HASPIN: variants seen among roughly 807,000 people sequenced by gnomAD.
HASPIN encodes histone H3 associated protein kinase, also known as serine/threonine-protein kinase haspin.
In HASPIN, 24 loss-of-function variants were observed where a neutral mutation model predicts 28.8. The observed-to-expected ratio is 0.83, with a 90% CI of 0.60 to 1.17. The LOEUF (loss-of-function observed/expected upper bound fraction) is 1.17. Ranked by LOEUF, HASPIN falls within the 50% of genes most tolerant of loss-of-function variation. The probability of loss-of-function intolerance (pLI) is 0.00; values close to 1 mark genes in which losing one functional copy is unlikely to be tolerated. For missense variants in HASPIN, 1,016 were observed against 1,018.5 expected, an observed-to-expected ratio of 1.00 and a Z score of 0.03; for synonymous variants, 440 against 413.1, an observed-to-expected ratio of 1.07 and a Z score of -0.79.
At position 3,724,112 on chromosome 17, in the gene HASPIN, G is replaced by GTCCGACGATCCTGACGAT. The variant is rs2051141938; in HGVS notation, c.178_195dup (p.Ser60_Asp65dup). On this transcript the variant is annotated inframe_insertion, in exon 1 of 1. Transcript: ENST00000325418. ...ACGCCAGCATCGGCGACCCCTCGCA[G>GTCCGACGATCCTGACGAT]TCCGACGATCCTGACGATCCCGACG... The GTCCGACGATCCTGACGAT allele has an allele frequency of 1.3e-6, 2 of 1,594,658 alleles. No homozygotes were observed. Among genetic ancestry groups the GTCCGACGATCCTGACGAT allele is most frequent in the African/African-American group, 1.4e-5 (1 of 73,542 alleles).
In HASPIN at chr17:3,726,207, T is replaced by C. The variant is rs2051208521; in HGVS notation, c.2272T>C (p.Phe758Leu). 2 of 1,614,012 alleles carry C rather than the reference T, an allele frequency of 1.2e-6. No homozygotes were observed. Among genetic ancestry groups the C allele is most frequent in the Non-Finnish European group, 1.7e-6 (2 of 1,180,026 alleles). Residue 758 changes from phenylalanine to leucine, a missense_variant, in exon 1 of 1, where the codon TTC becomes CTC. Around this residue, in one of 3 missense-constraint regions of HASPIN, gnomAD observed 129 missense variants for 156.2 expected, o/e 0.83. Transcript: ENST00000325418. Reference sequence around the variant, plus strand: ...AGACAAGATGCTGAAACAAATGACCTTCAAGACTAAATGTAACACTCCTGC... The same window carrying C: ...AGACAAGATGCTGAAACAAATGACCCTCAAGACTAAATGTAACACTCCTGC... ...LTDKMLKQMT[F>L]KTKCNTPAMK...
chr17:3,724,986 C>G lies in HASPIN; in HGVS notation c.1051C>G (p.Leu351Val). The G allele has an allele frequency of 6.2e-7, 1 of 1,614,168 alleles. No homozygotes were observed. The highest frequency in any genetic ancestry group is 1.1e-5 in the South Asian group (1 of 91,080). ...KHQEATETSL[L>V]HSHRFKKGQK... ...TCAGGAGGCAACGGAAACCTCTCTCCTCCATTCCCACCGCTTTAAAAAGGG... is the reference window on the plus strand; with the variant it reads ...TCAGGAGGCAACGGAAACCTCTCTCGTCCATTCCCACCGCTTTAAAAAGGG... Residue 351 changes from leucine to valine, a missense_variant, in exon 1 of 1, where the codon CTC becomes GTC. Leu to Val is a conservative substitution (Grantham distance 32). Transcript: ENST00000325418.
Position 3,725,486 on chromosome 17 carries a change from A to G in HASPIN, c.1551A>G (p.Gly517=), listed in dbSNP as rs141046007. Residue 517 remains glycine (G), a synonymous_variant, in exon 1 of 1, where the codon GGA becomes GGG. Coordinates refer to ENST00000325418, the MANE Select transcript of HASPIN (RefSeq NM_031965.2). ...PVAIKIIAIE[G]PDLVNGSHQK... ...CCATAAAAATCATTGCTATTGAAGG[A>G]CCAGATTTAGTCAATGGATCCCATC... 20 of 1,614,084 alleles carry G rather than the reference A, an allele frequency of 1.2e-5. No homozygotes were observed. The African/African-American group carries it at 2.7e-4, about 22-fold the overall frequency.
rs1402270435 is a variant in HASPIN at position 3,725,319 on chromosome 17, A to G, written c.1384A>G (p.Lys462Glu). The G allele has an allele frequency of 6.2e-7, 1 of 1,614,096 alleles. No homozygotes were observed. The highest frequency in any genetic ancestry group is 1.3e-5 in the African/African-American group (1 of 74,934). Residue 462 changes from lysine to glutamate, a missense_variant, in exon 1 of 1, where the codon AAG (lysine) becomes GAG (glutamate). Lys to Glu is a moderately conservative substitution (Grantham distance 56). Transcript: ENST00000325418. The part of the protein sequence containing the change: ...ISNKKASDAE[K>E]VYGECSQKGP... ...AAACAAAAAGGCATCTGATGCTGAA[A>G]AGGTTTATGGGGAATGCAGTCAGAA...
Position 3,725,516 on chromosome 17 carries a change from A to G in HASPIN, c.1581A>G (p.Lys527=). The G allele has an allele frequency of 6.2e-7, 1 of 1,614,192 alleles. No homozygotes were observed. Among genetic ancestry groups the G allele is most frequent in the Non-Finnish European group, 8.5e-7 (1 of 1,180,036 alleles). ...GPDLVNGSHQ[K]TFEEILPEII... ...ATTTAGTCAATGGATCCCATCAGAA[A>G]ACCTTTGAGGAAATCCTGCCAGAGA... Residue 527 remains lysine (K), a synonymous_variant, in exon 1 of 1, where the codon AAA becomes AAG. Coordinates refer to ENST00000325418, the MANE Select transcript of HASPIN (RefSeq NM_031965.2).
Position 3,725,465 on chromosome 17 carries a change from A to G in HASPIN, c.1530A>G (p.Ile510Met), listed in dbSNP as rs146480185. Residue 510 changes from isoleucine (I) to methionine (M), a missense_variant, in exon 1 of 1, where the codon ATA (isoleucine) becomes ATG (methionine). Around this residue, in one of 3 missense-constraint regions of HASPIN, gnomAD observed 881 missense variants for 845.5 expected, o/e 1.04. Transcript: ENST00000325418. ...QTIADHTPVA[I>M]KIIAIEGPDL... ...TTGCTGATCACACACCCGTAGCCAT[A>G]AAAATCATTGCTATTGAAGGACCAG... 9.9e-6 allele frequency: 16 copies of G among 1,614,132 alleles called. No homozygotes were observed. Among genetic ancestry groups the G allele is most frequent in the African/African-American group, 2.7e-5 (2 of 74,942 alleles).
chr17:3,724,864 GGA>G lies in HASPIN; in HGVS notation c.935_936del (p.Glu312AlafsTer23), dbSNP rs1365779043. The stretch of plus-strand genomic sequence containing the variant: ...GAGAGAGGGCTTCAAGAGGCCGTCC[GGA>G]GAGAGCATCAGGAGGCCAGTGTTCC... On this transcript the variant is annotated frameshift_variant, in exon 1 of 1. Transcript: ENST00000325418. LOFTEE classifies it high-confidence loss of function. 3.1e-6 allele frequency: 5 copies of G among 1,613,830 alleles called. No homozygotes were observed. Among genetic ancestry groups the G allele is most frequent in the Admixed American group, 3.3e-5 (2 of 59,994 alleles).
At position 3,724,418 on chromosome 17, in the gene HASPIN, G is replaced by A; in HGVS notation, c.483G>A (p.Glu161=). 2 of 1,612,698 alleles carry A rather than the reference G, an allele frequency of 1.2e-6. No homozygotes were observed. The highest frequency in any genetic ancestry group is 1.7e-6 in the Non-Finnish European group (2 of 1,179,750). ...GCGGCCAGCCCAGGGACGGCGACGA[G>A]CTGGGCATCAGTGCCTCCCTGTTCA... The part of the protein sequence containing the change: ...SVCGQPRDGD[E]LGISASLFSS... Residue 161 remains glutamate (E), a synonymous_variant, in exon 1 of 1, where the codon GAG becomes GAA. Coordinates refer to ENST00000325418, the MANE Select transcript of HASPIN (RefSeq NM_031965.2).
In HASPIN at chr17:3,723,975, C is replaced by A. The variant is rs2051133909; in HGVS notation, c.40C>A (p.Arg14Ser). The A allele has an allele frequency of 1.9e-6, 3 of 1,577,318 alleles. No individual in the cohort carries two copies. The highest frequency in any genetic ancestry group is 2.6e-6 in the Non-Finnish European group (3 of 1,162,176). ...CCCGGGACCTGGGAGCCGGCTTTTC[C>A]GCACATATGGGGCTGCGGACGGCAG... is the stretch of plus-strand genomic sequence containing the variant. ...SLPGPGSRLF[R>S]TYGAADGRRQ... The change falls in exon 1 of 1, where the codon CGC (arginine) becomes AGC (serine). Residue 14 changes from arginine to serine, a missense_variant. Around this residue, in one of 3 missense-constraint regions of HASPIN, gnomAD observed 881 missense variants for 845.5 expected, o/e 1.04. Coordinates refer to ENST00000325418, the MANE Select transcript of HASPIN (RefSeq NM_031965.2).
chr17:3,724,351 C>A lies in HASPIN; in HGVS notation c.416C>A (p.Pro139His). 1 of 1,598,944 alleles carries A rather than the reference C, an allele frequency of 6.3e-7. No individual in the cohort carries two copies. Among genetic ancestry groups the A allele is most frequent in the Non-Finnish European group, 8.5e-7 (1 of 1,176,232 alleles). ...PCGPLRLPPF[P>H]SRDSGRLSPD... The stretch of plus-strand genomic sequence containing the variant: ...GGCCCGCTCCGACTTCCGCCCTTCC[C>A]CAGCCGCGACTCCGGCCGCCTCAGC... Residue 139 changes from proline (P) to histidine (H), a missense_variant, in exon 1 of 1, where the codon CCC becomes CAC. Physicochemically the swap from Pro to His is moderately conservative, Grantham distance 77. This residue lies in a region of HASPIN where 881 missense variants were observed against 845.5 expected (regional missense o/e 1.04). Coordinates refer to ENST00000325418, the MANE Select transcript of HASPIN (RefSeq NM_031965.2).
Position 3,724,424 on chromosome 17 carries a change from C to T in HASPIN, c.489C>T (p.Gly163=). ...AGCCCAGGGACGGCGACGAGCTGGGCATCAGTGCCTCCCTGTTCAGCTCTC... is the reference window on the plus strand; with the variant it reads ...AGCCCAGGGACGGCGACGAGCTGGGTATCAGTGCCTCCCTGTTCAGCTCTC... ...CGQPRDGDEL[G]ISASLFSSLA... The change falls in exon 1 of 1, where the codon GGC becomes GGT. Residue 163 remains glycine, a synonymous_variant. Coordinates refer to ENST00000325418, the MANE Select transcript of HASPIN (RefSeq NM_031965.2). The T allele has an allele frequency of 6.2e-7, 1 of 1,613,070 alleles. No individual in the cohort carries two copies. Among genetic ancestry groups the T allele is most frequent in the Non-Finnish European group, 8.5e-7 (1 of 1,179,850 alleles).
chr17:3,723,993 G>A lies in HASPIN; in HGVS notation c.58G>A (p.Asp20Asn), dbSNP rs1235733240. The change falls in exon 1 of 1, where the codon GAC (aspartate) becomes AAC (asparagine). Residue 20 changes from aspartate (D) to asparagine (N), a missense_variant. Around this residue, in one of 3 missense-constraint regions of HASPIN, gnomAD observed 881 missense variants for 845.5 expected, o/e 1.04. Coordinates refer to ENST00000325418, the MANE Select transcript of HASPIN (RefSeq NM_031965.2). ...GCTTTTCCGCACATATGGGGCTGCG[G>A]ACGGCAGGAGACAGCGGCGGCCGGG... The part of the protein sequence containing the change: ...SRLFRTYGAA[D>N]GRRQRRPGRE... 6.3e-7 allele frequency: 1 copy of A among 1,593,196 alleles called. No homozygotes were observed. The highest frequency in any genetic ancestry group is 2.3e-5 in the East Asian group (1 of 44,050).
Position 3,725,873 on chromosome 17 carries a change from G to A in HASPIN, c.1938G>A (p.Glu646=), listed in dbSNP as rs1210497712. Residue 646 remains glutamate, a synonymous_variant, in exon 1 of 1, where the codon GAG becomes GAA. Transcript: ENST00000325418. ...TGGCAGAGGCATCACTGCGCTTTGA[G>A]CACCGAGACTTACACTGGGGGAACG... is the stretch of plus-strand genomic sequence containing the variant. ...LAVAEASLRF[E]HRDLHWGNVL... 1.3e-6 allele frequency: 2 copies of A among 1,590,734 alleles called. No individual in the cohort carries two copies. Among genetic ancestry groups the A allele is most frequent in the African/African-American group, 2.8e-5 (2 of 70,326 alleles).
Position 3,724,248 on chromosome 17 carries a change from G to A in HASPIN, c.313G>A (p.Ala105Thr), listed in dbSNP as rs1281091192. ...TVTPKRWKLR[A>T]RPSLTVTPRR... ...GACCCCAAAGCGCTGGAAGCTGCGA[G>A]CTCGCCCAAGCCTAACCGTGACCCC... The change falls in exon 1 of 1, where the codon GCT becomes ACT. Residue 105 changes from alanine to threonine, a missense_variant. This residue lies in a region of HASPIN where 881 missense variants were observed against 845.5 expected (regional missense o/e 1.04). Transcript: ENST00000325418. 5 of 1,592,714 alleles carry A rather than the reference G, an allele frequency of 3.1e-6. No individual in the cohort carries two copies. Among genetic ancestry groups the A allele is most frequent in the South Asian group, 1.1e-5 (1 of 90,232 alleles).
chr17:3,724,663 C>A lies in HASPIN; in HGVS notation c.728C>A (p.Ser243Ter), dbSNP rs763658581. 2 of 1,614,196 alleles carry A rather than the reference C, an allele frequency of 1.2e-6. No individual in the cohort carries two copies. Among genetic ancestry groups the A allele is most frequent in the South Asian group, 2.2e-5 (2 of 91,076 alleles). ...MVHQTRASLR[S>*]VLFGLMNSGT... ...CACCAAACCCGCGCCAGCCTCAGGT[C>A]AGTTCTCTTTGGCCTTATGAACTCA... is the stretch of plus-strand genomic sequence containing the variant. Residue 243 changes from serine (S) to a stop codon, truncating the protein, a stop_gained, in exon 1 of 1, where the codon TCA becomes TAA. Transcript: ENST00000325418. LOFTEE classifies it low-confidence loss of function (END_TRUNC).
rs1365070585 is a variant in HASPIN, at chr17:3,726,258, C to T, written c.2323C>T (p.Gln775Ter). The change falls in exon 1 of 1, where the codon CAG (glutamine) becomes TAG (stop). Residue 775 changes from glutamine (Q) to a stop codon, truncating the protein, a stop_gained. Transcript: ENST00000325418. LOFTEE classifies it high-confidence loss of function. ...CATGAAGCAAATTAAGAGAAAAATC[C>T]AGGAGTTCCACAGGACAATGCTGAA... ...PAMKQIKRKI[Q>*]EFHRTMLNFS... 5.0e-6 allele frequency: 8 copies of T among 1,614,032 alleles called. No homozygotes were observed. Among genetic ancestry groups the T allele is most frequent in the African/African-American group, 2.7e-5 (2 of 74,918 alleles).
At position 3,724,798 on chromosome 17, in the gene HASPIN, G is replaced by A. The variant is rs755562877; in HGVS notation, c.863G>A (p.Ser288Asn). The change falls in exon 1 of 1, where the codon AGC becomes AAC. Residue 288 changes from serine (S) to asparagine (N), a missense_variant. Ser to Asn is a conservative substitution (Grantham distance 46). This residue lies in a region of HASPIN where 881 missense variants were observed against 845.5 expected (regional missense o/e 1.04). Transcript: ENST00000325418. Reference protein sequence around the residue: ...GNGPEGPGLSSTGKRRATGQD... With the variant: ...GNGPEGPGLSNTGKRRATGQD... ...GGACCAGAGGGTCCAGGTCTGTCAA[G>A]CACAGGCAAGAGGAGGGCCACAGGC... 22 of 1,614,098 alleles carry A rather than the reference G, an allele frequency of 1.4e-5. No homozygotes were observed. The South Asian group carries it at 2.1e-4, about 15-fold the overall frequency.
Position 3,725,188 on chromosome 17 carries a change from C to G in HASPIN, c.1253C>G (p.Ser418Ter), listed in dbSNP as rs1404713820. 4 of 1,614,200 alleles carry G rather than the reference C, an allele frequency of 2.5e-6. No individual in the cohort carries two copies. Among genetic ancestry groups the G allele is most frequent in the Non-Finnish European group, 3.4e-6 (4 of 1,180,032 alleles). ...ACTTCTCTCTCTGGATCCCTCCTAT[C>G]AGAATGTTCAAACCGGCCTGTCATG... ...TATSLSGSLL[S>*]ECSNRPVMNR... Residue 418 changes from serine (S) to a stop codon, truncating the protein, a stop_gained, in exon 1 of 1, where the codon TCA (serine) becomes TGA (stop). Transcript: ENST00000325418. LOFTEE classifies it high-confidence loss of function.
Position 3,723,966 on chromosome 17 carries a change from C to T in HASPIN, c.31C>T (p.Arg11Trp). The change falls in exon 1 of 1, where the codon CGG (arginine) becomes TGG (tryptophan). Residue 11 changes from arginine (R) to tryptophan (W), a missense_variant. Coordinates refer to ENST00000325418, the MANE Select transcript of HASPIN (RefSeq NM_031965.2). Reference protein sequence around the residue: MAASLPGPGSRLFRTYGAADG... With the variant: MAASLPGPGSWLFRTYGAADG... ...GGCTTCGCTCCCGGGACCTGGGAGC[C>T]GGCTTTTCCGCACATATGGGGCTGC... 1 of 1,572,174 alleles carries T rather than the reference C, an allele frequency of 6.4e-7. No individual in the cohort carries two copies. Among genetic ancestry groups the T allele is most frequent in the Non-Finnish European group, 8.6e-7 (1 of 1,158,998 alleles).
Sources: allele counts gnomAD v4.1 joint callset, GRCh38; gene constraint gnomAD v4.1.1; regional missense constraint gnomAD v4.1.1; transcripts MANE v1.5; gene names NCBI Gene and HGNC (gene_info 2026-07-23, HGNC 2026-07-21).